Variants in LRRTM4 observed in about 807,000 individuals in gnomAD.
The protein encoded by LRRTM4 is leucine rich repeat transmembrane neuronal 4.
LRRTM4 carries 25 observed loss-of-function variants against 47.6 expected under a neutral mutation model. The observed-to-expected ratio is 0.53, with a 90% confidence interval of 0.38 to 0.73. LRRTM4 has a LOEUF of 0.73. LRRTM4 is among the 30% of genes least tolerant of loss of function. The pLI is 0.00. For missense variants in LRRTM4, 638 were observed against 713.4 expected, an observed-to-expected ratio of 0.89 and a Z score of 1.20; for synonymous variants, 311 against 269.5, an observed-to-expected ratio of 1.15 and a Z score of -1.51.
chr2:77,227,739 A>G (rs1402751152), intron 3 of LRRTM4, among the ~76,000 whole-genome samples: 1 of 152,042 alleles, frequency 6.6e-6, no homozygotes, highest in Non-Finnish European at 1.5e-5. Context: ...GGTCTGGCTA[A>G]TTTTCAGTTA....
intron 3 of LRRTM4, among the ~76,000 whole-genome samples, chr2:76,845,799 G>T (rs765770677): frequency 3.9e-5 from 6 of 152,046 alleles, no homozygotes; most frequent in Non-Finnish European, 5.9e-5. Context: ...TAAGGAATAG[G>T]GAGAGGGTGG....
chr2:77,276,569 C>T (rs956332553), intron 3 of LRRTM4, among the ~76,000 whole-genome samples: 2 of 149,600 alleles, frequency 1.3e-5, no homozygotes, highest in Admixed American at 1.3e-4. Flanking sequence ...CATTTATTAT[C>T]GTCTTGCATA....
chr2:77,264,314 GAGAGAGAGAGAC>G (rs1320001366), intron 3 of LRRTM4, among the ~76,000 whole-genome samples: 3 of 151,938 alleles, frequency 2.0e-5, no homozygotes, highest in African/African-American at 7.2e-5. Flanking sequence ...GAGAGAGAGG[GAGAGAGAGAGAC>G]AGAGAGAGAG....
At chr2:76,925,015 C>T (rs1270959027) in intron 3 of LRRTM4, among the ~76,000 whole-genome samples, 2 of 152,098 alleles carry the variant, frequency 1.3e-5, no homozygotes, top group Admixed American at 1.3e-4. Context: ...TTGTAACTTA[C>T]ATCTAAACAT....
intron 3 of LRRTM4, among the ~76,000 whole-genome samples, chr2:77,493,089 A>C (rs1406986813): frequency 6.6e-6 from 1 of 152,128 alleles, no homozygotes; most frequent in Non-Finnish European, 1.5e-5. Flanking sequence ...AATAAAATCT[A>C]TTTAGAAATT....
At chr2:77,067,717 A>G (rs1259631884) in intron 3 of LRRTM4, among the ~76,000 whole-genome samples, 2 of 148,074 alleles carry the variant, frequency 1.4e-5, no homozygotes, top group Non-Finnish European at 3.0e-5. Flanking sequence ...ACACACACAC[A>G]TACATATTTC....
At chr2:77,306,897 A>ATTTTTTTTTTTTTTTTTTTTTTT (rs774697360) in intron 3 of LRRTM4, among the ~76,000 whole-genome samples, 10 of 112,416 alleles carry the variant, frequency 8.9e-5, no homozygotes, top group African/African-American at 3.9e-4. Flanking sequence ...GCTTTTCCAT[A>ATTTTTTTTTTTTTTTTTTTTTTT]TTTTTTTTTT....
chr2:76,941,490 G>C (rs1029255345), intron 3 of LRRTM4, among the ~76,000 whole-genome samples: 2 of 148,198 alleles, frequency 1.3e-5, no homozygotes, highest in Non-Finnish European at 3.0e-5. Flanking sequence ...ACAACCCCCA[G>C]TATGTTATGT....
chr2:77,262,354 A>G (rs1384685216), intron 3 of LRRTM4, among the ~76,000 whole-genome samples: 2 of 152,120 alleles, frequency 1.3e-5, no homozygotes, highest in Non-Finnish European at 2.9e-5. Context: ...GCTGCCAGAA[A>G]GGTTGGGGAT....
intron 3 of LRRTM4, among the ~76,000 whole-genome samples, chr2:77,337,274 T>A (rs1671200816): frequency 6.6e-6 from 1 of 152,072 alleles, no homozygotes; most frequent in African/African-American, 2.4e-5. Context: ...AGAATCAAGG[T>A]CATTAAAATG....
chr2:76,821,272 C>G (rs1283978299), intron 3 of LRRTM4, among the ~76,000 whole-genome samples: 1 of 151,584 alleles, frequency 6.6e-6, no homozygotes, highest in Non-Finnish European at 1.5e-5. Context: ...TATCCCAAAA[C>G]CTAGCTTCAA....
intron 3 of LRRTM4, among the ~76,000 whole-genome samples, chr2:77,098,643 A>G (rs1038153367): frequency 6.6e-6 from 1 of 151,986 alleles, no homozygotes; most frequent in East Asian, 1.9e-4. Context: ...TAAAAGACTG[A>G]TAAAATTGAT....
chr2:76,926,466 G>T (rs1674592386), intron 3 of LRRTM4, among the ~76,000 whole-genome samples: 1 of 152,002 alleles, frequency 6.6e-6, no homozygotes, highest in South Asian at 2.1e-4. Flanking sequence ...GATACATTTT[G>T]GGCCCGAGGT....
At chr2:77,136,044 GAAC>G (rs1671929820) in intron 3 of LRRTM4, among the ~76,000 whole-genome samples, 1 of 152,126 alleles carries the variant, frequency 6.6e-6, no homozygotes. Flanking sequence ...GGCCGAATAG[GAAC>G]AGCTTCAGTC....
At chr2:77,277,224 A>G (rs982323756) in intron 3 of LRRTM4, among the ~76,000 whole-genome samples, 2 of 152,074 alleles carry the variant, frequency 1.3e-5, no homozygotes, top group Admixed American at 6.6e-5. Flanking sequence ...ACAATCCCAC[A>G]GAGGACATAA....
intron 3 of LRRTM4, among the ~76,000 whole-genome samples, chr2:77,407,663 TATA>T (rs979029518): frequency 3.4e-5 from 4 of 119,078 alleles, no homozygotes; most frequent in Non-Finnish European, 5.0e-5. Context: ...TATAATTATA[TATA>T]ATAATTATAT....
At chr2:77,480,823 GAGAGAGAGAGAGAGAGAGAGAGA>G (rs1210903127) in intron 3 of LRRTM4, among the ~76,000 whole-genome samples, 21 of 24,488 alleles carry the variant, frequency 8.6e-4, no homozygotes, top group African/African-American at 2.6e-3. Context: ...TGTGTGTGTG[GAGAGAGAGAGAGAGAGAGAGAGA>G]GAGAGAGAGA....
At chr2:76,838,773 GGGACATGTTAATAACAGC>G (rs1471001338) in intron 3 of LRRTM4, among the ~76,000 whole-genome samples, 1 of 152,016 alleles carries the variant, frequency 6.6e-6, no homozygotes, top group Non-Finnish European at 1.5e-5. Context: ...CGTTGAACAT[GGGACATGTTAATAACAGC>G]TCATGGATGG....
chr2:77,290,849 A>G (rs192586393), intron 3 of LRRTM4, among the ~76,000 whole-genome samples: 1 of 152,070 alleles, frequency 6.6e-6, no homozygotes, highest in East Asian at 1.9e-4. Context: ...ATTATTTTAG[A>G]GTTCTTAGAA....
Sources: allele counts gnomAD v4.1 joint callset (sites outside exome capture counted in the v4.1 genomes callset), GRCh38; gene constraint gnomAD v4.1.1; transcripts MANE v1.5; gene names NCBI Gene and HGNC (gene_info 2026-07-23, HGNC 2026-07-21).